The following CLASP2 variants were observed in gnomAD, a reference collection of about 807,000 sequenced individuals.
The protein encoded by CLASP2 is CLIP-associating protein 2.
Under a neutral mutation model 194.4 loss-of-function variants are expected in CLASP2, and 47 were observed. The observed-to-expected ratio is 0.24, with a 90% CI of 0.19 to 0.31. The LOEUF (loss-of-function observed/expected upper bound fraction) is 0.31, where lower values mean the gene tolerates loss of function less well. Ranked by LOEUF, CLASP2 falls within the 10% of genes least tolerant of loss-of-function variation. The probability of loss-of-function intolerance (pLI) is 1.00; values close to 1 mark genes in which losing one functional copy is unlikely to be tolerated. For synonymous variants in CLASP2, 619 were observed against 633.5 expected (o/e 0.98, Z 0.34); for missense variants, 1,445 against 1,823.6 (o/e 0.79, Z 3.78).
At chr3:33,702,504 T>C (rs1367241762) in intron 1 of CLASP2, among the ~76,000 whole-genome samples, 1 of 152,046 alleles carries the variant, frequency 6.6e-6, no homozygotes, top group African/African-American at 2.4e-5. Context: ...AACTCTATAG[T>C]TATTAGAAGA....
chr3:33,648,093 A>AT (rs1322349783), intron 7 of CLASP2, among the ~76,000 whole-genome samples: 3 of 152,070 alleles, frequency 2.0e-5, no homozygotes, highest in Non-Finnish European at 4.4e-5. Context: ...AAAATATCTG[A>AT]TTAACTGAAA....
chr3:33,632,735 T>C (rs2079329912), intron 8 of CLASP2, among the ~76,000 whole-genome samples: 1 of 152,124 alleles, frequency 6.6e-6, no homozygotes, highest in Non-Finnish European at 1.5e-5. Context: ...AATGATAGTG[T>C]GATGCAGAAA....
chr3:33,512,825 T>C (rs1367430199), intron 36 of CLASP2, among the ~76,000 whole-genome samples: 4 of 150,920 alleles, frequency 2.7e-5, no homozygotes, highest in Non-Finnish European at 5.9e-5. Context: ...CTGTCTCCAC[T>C]AAAAATAGAA....
intron 27 of CLASP2, among the ~76,000 whole-genome samples, chr3:33,565,211 A>G (rs2062479664): frequency 6.6e-6 from 1 of 152,062 alleles, no homozygotes; most frequent in Non-Finnish European, 1.5e-5. Flanking sequence ...ACGGAGTCTC[A>G]CCTATCACCC....
At chr3:33,561,426 G>A (rs72854350) in intron 27 of CLASP2, among the ~76,000 whole-genome samples, 12,631 of 152,264 alleles carry the variant, frequency 0.083, 554 homozygotes, top group Admixed American at 0.11. Flanking sequence ...AGACTAATTA[G>A]AGAATCCTCA....
At chr3:33,662,129 G>A (rs2085406796) in intron 7 of CLASP2, among the ~76,000 whole-genome samples, 1 of 152,006 alleles carries the variant, frequency 6.6e-6, no homozygotes, top group South Asian at 2.1e-4. Flanking sequence ...AAAAAGTAAT[G>A]GGAACTAAAG....
chr3:33,651,016 T>C (rs2083089170), intron 7 of CLASP2, among the ~76,000 whole-genome samples: 2 of 152,172 alleles, frequency 1.3e-5, no homozygotes, highest in Admixed American at 6.5e-5. Context: ...ACTCAGTTTA[T>C]AACAAAACAT....
intron 14 of CLASP2, 57 bp downstream of exon 14, chr3:33,608,510 C>T: frequency 7.4e-7 from 1 of 1,343,224 alleles, no homozygotes; most frequent in Admixed American, 1.9e-5. Context: ...CCATCAACTT[C>T]TAAAGAACTG....
At chr3:33,620,956 T>A (rs1409094714) in intron 11 of CLASP2, among the ~76,000 whole-genome samples, 2 of 152,008 alleles carry the variant, frequency 1.3e-5, no homozygotes, top group African/African-American at 2.4e-5. Flanking sequence ...TTAGTATACA[T>A]CTAGACTCAT....
In CLASP2 at chr3:33,684,996, C is replaced by T. The variant is rs186982074; in HGVS notation, c.547-540G>A. Among the ~76,000 whole-genome samples, 134 of 144,996 alleles carry T rather than the reference C, an allele frequency of 9.2e-4. 2 individuals carry two copies. The Middle Eastern group carries it at 0.012, about 13-fold the overall frequency. ...CAGGCTGGGCGACAGAGCAAGACTC[C>T]ATCTCAAAATAAATAAATAAATAAA... On this transcript the variant is annotated intron_variant, in intron 5 of 38. Transcript: ENST00000682230.
chr3:33,677,480 C>T (rs2088938340), intron 6 of CLASP2, among the ~76,000 whole-genome samples: 1 of 148,130 alleles, frequency 6.8e-6, no homozygotes, highest in African/African-American at 2.5e-5. Context: ...CGCGTATTCT[C>T]ACTCATAGAT....
intron 27 of CLASP2, among the ~76,000 whole-genome samples, chr3:33,564,156 G>A (rs572078991): frequency 6.6e-6 from 1 of 152,186 alleles, no homozygotes; most frequent in Non-Finnish European, 1.5e-5. Context: ...TTTTTATACA[G>A]TCTTGTGTGT....
At chr3:33,697,913 CA>C in intron 1 of CLASP2, among the ~76,000 whole-genome samples, 1 of 152,302 alleles carries the variant, frequency 6.6e-6, no homozygotes, top group East Asian at 1.9e-4. Context: ...TTATACTTAA[CA>C]AAACTATTTA....
chr3:33,692,232 C>T (rs991802106), intron 2 of CLASP2, among the ~76,000 whole-genome samples: 3 of 152,048 alleles, frequency 2.0e-5, no homozygotes, highest in Admixed American at 6.6e-5. Context: ...TAACCATCTC[C>T]ATTTTCCATT....
intron 1 of CLASP2, among the ~76,000 whole-genome samples, chr3:33,705,264 T>C (rs1018281674): frequency 1.3e-5 from 2 of 152,160 alleles, no homozygotes; most frequent in African/African-American, 4.8e-5. Flanking sequence ...ACCTTGAAAA[T>C]ATCATAGTTC....
chr3:33,536,274 A>G (rs1428874138), intron 33 of CLASP2, among the ~76,000 whole-genome samples: 8 of 151,682 alleles, frequency 5.3e-5, no homozygotes. Flanking sequence ...AAAAAACTTA[A>G]TGAACGAATA....
At chr3:33,663,937 A>C (rs981299530) in intron 6 of CLASP2, among the ~76,000 whole-genome samples, 10 of 152,180 alleles carry the variant, frequency 6.6e-5, no homozygotes, top group African/African-American at 2.4e-4. Context: ...ATAAAATATC[A>C]AAAACTAAAG....
chr3:33,585,336 A>G (rs2067116570), intron 21 of CLASP2, among the ~76,000 whole-genome samples: 1 of 152,200 alleles, frequency 6.6e-6, no homozygotes, highest in Non-Finnish European at 1.5e-5. Context: ...ACATTCTGAG[A>G]AACGTGTTGT....
chr3:33,525,542 G>A (rs766913454), intron 34 of CLASP2, among the ~76,000 whole-genome samples: 2 of 152,148 alleles, frequency 1.3e-5, no homozygotes, highest in East Asian at 1.9e-4. Flanking sequence ...CTAGGAAAGC[G>A]GTGAGTGAAT....
Sources: gnomAD v4.1 joint callset for allele counts (sites outside exome capture counted in the v4.1 genomes callset) on GRCh38, gnomAD v4.1.1 for gene constraint, MANE v1.5 for transcripts, NCBI Gene and HGNC (gene_info 2026-07-23, HGNC 2026-07-21) for gene names.